Variants in DNER observed in about 807,000 individuals in gnomAD.
The protein encoded by DNER is delta/notch like EGF repeat containing, also known as delta and Notch-like epidermal growth factor-related receptor.
A neutral mutation model predicts 78.2 loss-of-function variants in DNER; 33 were observed. The observed-to-expected ratio is 0.42, with a 90% CI of 0.32 to 0.56. DNER has a LOEUF of 0.56. Ranked by LOEUF, DNER falls within the 20% of genes least tolerant of loss-of-function variation. The pLI, the probability that DNER is intolerant of heterozygous loss-of-function variation, is 0.11. For synonymous variants in DNER, 417 were observed against 384.8 expected (o/e 1.08, Z -0.98); for missense variants, 918 against 975.3 (o/e 0.94, Z 0.78).
intron 1 of DNER, among the ~76,000 whole-genome samples, chr2:229,616,829 T>C (rs999365880): frequency 2.0e-5 from 3 of 152,234 alleles, no homozygotes; most frequent in Non-Finnish European, 4.4e-5. Flanking sequence ...CTAATGTATC[T>C]TAAATCATGG....
intron 4 of DNER, among the ~76,000 whole-genome samples, chr2:229,567,472 G>GAGAC (rs1697133310): frequency 6.6e-6 from 1 of 152,204 alleles, no homozygotes; most frequent in African/African-American, 2.4e-5. Context: ...GCATACAAGA[G>GAGAC]AGACAAAGTG....
intron 1 of DNER, among the ~76,000 whole-genome samples, chr2:229,713,781 A>G (rs1699945561): frequency 6.6e-6 from 1 of 152,110 alleles, no homozygotes; most frequent in African/African-American, 2.4e-5. Flanking sequence ...GGACGCTCGG[A>G]GCCGGCTCCT....
intron 1 of DNER, among the ~76,000 whole-genome samples, chr2:229,636,819 C>A (rs913461678): frequency 1.6e-4 from 25 of 152,118 alleles, no homozygotes; most frequent in African/African-American, 6.0e-4. Flanking sequence ...GGTACCAGAT[C>A]CAGGCCTGGC....
At chr2:229,665,844 C>T (rs1699084042) in intron 1 of DNER, among the ~76,000 whole-genome samples, 1 of 152,202 alleles carries the variant, frequency 6.6e-6, no homozygotes, top group Non-Finnish European at 1.5e-5. Context: ...CTCTCCATCT[C>T]TGTGAGTCTA....
At position 229,447,421 on chromosome 2, in the gene DNER, T is replaced by C. The variant is rs368328346; in HGVS notation, c.1381A>G (p.Thr461Ala). The part of the protein sequence containing the change: ...HFTCNCSPGF[T>A]GPTCAQLIDF... ...ATAAGCTGGGCACAGGTCGGCCCTGTGAAGCCCGGGCTGCAGTTGCAGGTA... is the reference window on the plus strand; with the variant it reads ...ATAAGCTGGGCACAGGTCGGCCCTGCGAAGCCCGGGCTGCAGTTGCAGGTA... The change falls in exon 8 of 13, where the codon ACA becomes GCA. Residue 461 changes from threonine (T) to alanine (A), a missense_variant. Thr to Ala is a moderately conservative substitution (Grantham distance 58, BLOSUM62 0). Coordinates refer to ENST00000341772, the MANE Select transcript of DNER (RefSeq NM_139072.4). The C allele has an allele frequency of 6.8e-6, 11 of 1,613,940 alleles. No homozygotes were observed. Among genetic ancestry groups the C allele is most frequent in the Non-Finnish European group, 7.6e-6 (9 of 1,180,010 alleles).
At chr2:229,414,763 C>A (rs2106347596) in intron 9 of DNER, among the ~76,000 whole-genome samples, 1 of 152,298 alleles carries the variant, frequency 6.6e-6, no homozygotes, top group East Asian at 1.9e-4. Flanking sequence ...GAGCTTCCAA[C>A]CAAGAGCAAA....
At chr2:229,573,222 T>G (rs901770117) in intron 4 of DNER, among the ~76,000 whole-genome samples, 1 of 152,208 alleles carries the variant, frequency 6.6e-6, no homozygotes, top group Non-Finnish European at 1.5e-5. Flanking sequence ...AATTACGGCA[T>G]TAAAACAGGA....
At chr2:229,463,296 A>G (rs1386918687) in intron 7 of DNER, among the ~76,000 whole-genome samples, 1 of 151,126 alleles carries the variant, frequency 6.6e-6, no homozygotes, top group East Asian at 1.9e-4. Context: ...TTGCAACACA[A>G]TATAGTTAGG....
intron 7 of DNER, among the ~76,000 whole-genome samples, chr2:229,454,817 C>T (rs1694536055): frequency 6.6e-6 from 1 of 151,906 alleles, no homozygotes; most frequent in Admixed American, 6.5e-5. Context: ...TCAGAGTCTG[C>T]TAGCATATCT....
At chr2:229,712,318 T>C (rs528788459) in intron 1 of DNER, among the ~76,000 whole-genome samples, 55 of 152,362 alleles carry the variant, frequency 3.6e-4, no homozygotes, top group African/African-American at 1.1e-3. Flanking sequence ...TATGTTTCGC[T>C]GTTAGTCATC....
intron 1 of DNER, among the ~76,000 whole-genome samples, chr2:229,673,760 A>G (rs1461230888): frequency 2.0e-5 from 3 of 152,202 alleles, no homozygotes; most frequent in Non-Finnish European, 4.4e-5. Context: ...GGTGTACACA[A>G]ACTCACAGAC....
intron 6 of DNER, among the ~76,000 whole-genome samples, chr2:229,497,762 T>C (rs1446322165): frequency 1.3e-5 from 2 of 151,898 alleles, no homozygotes; most frequent in Admixed American, 1.3e-4. Flanking sequence ...GACTGAATCA[T>C]GAAGAAATAG....
chr2:229,600,156 A>G (rs1276695590), intron 1 of DNER, among the ~76,000 whole-genome samples: 2 of 152,222 alleles, frequency 1.3e-5, no homozygotes, highest in Non-Finnish European at 2.9e-5. Context: ...TGTTAGTACA[A>G]ATTAGAGGTT....
chr2:229,472,442 C>T (rs1261763033), intron 7 of DNER, among the ~76,000 whole-genome samples: 1 of 152,012 alleles, frequency 6.6e-6, no homozygotes, highest in Non-Finnish European at 1.5e-5. Flanking sequence ...TATGGGTATT[C>T]TACTTCAAAT....
At chr2:229,550,149 C>T (rs531656041) in intron 4 of DNER, among the ~76,000 whole-genome samples, 1 of 150,692 alleles carries the variant, frequency 6.6e-6, no homozygotes, top group African/African-American at 2.5e-5. Flanking sequence ...CGCGCCACCA[C>T]ACCCAGCTAA....
chr2:229,477,388 T>G (rs1695059370), intron 6 of DNER, 135 bp from the exon 7 acceptor site: 1 of 541,624 alleles, frequency 1.8e-6, no homozygotes, highest in Non-Finnish European at 3.2e-6. Context: ...TGCTCCTAGA[T>G]CTCATTTATT....
intron 1 of DNER, among the ~76,000 whole-genome samples, chr2:229,616,935 T>C (rs546039489): frequency 2.6e-4 from 39 of 152,330 alleles, no homozygotes; most frequent in African/African-American, 9.1e-4. Flanking sequence ...GCTCTGGCCA[T>C]GCTGTGACAA....
chr2:229,498,097 T>C (rs1386550643), intron 6 of DNER, among the ~76,000 whole-genome samples: 1 of 152,154 alleles, frequency 6.6e-6, no homozygotes, highest in Admixed American at 6.6e-5. Flanking sequence ...GTGGGATTTA[T>C]CCATGGGATG....
In DNER at chr2:229,714,325, C is replaced by T; in HGVS notation, c.99G>A (p.Leu33=). ...GGGGCGCGGCGGGCACCGGGTTGGC[C>T]AGGGAGCTGCCTCGGGGCCCCGCTC... is the stretch of plus-strand genomic sequence containing the variant. ...LLGAGPRGSS[L]ANPVPAAPLS... The change falls in exon 1 of 13, where the codon CTG becomes CTA. Residue 33 remains leucine, a synonymous_variant. Coordinates refer to ENST00000341772, the MANE Select transcript of DNER (RefSeq NM_139072.4). The T allele has an allele frequency of 1.6e-6, 2 of 1,278,348 alleles. No homozygotes were observed. Among genetic ancestry groups the T allele is most frequent in the East Asian group, 3.2e-5 (1 of 31,094 alleles). 79.2% of individuals were successfully genotyped at this position (1,278,348 alleles called of 1,614,324 possible).
Sources: gnomAD v4.1 joint callset for allele counts (sites outside exome capture counted in the v4.1 genomes callset) on GRCh38, gnomAD v4.1.1 for gene constraint, MANE v1.5 for transcripts, NCBI Gene and HGNC (gene_info 2026-07-23, HGNC 2026-07-21) for gene names.